MAP2K1: variants seen among roughly 807,000 people sequenced by gnomAD.
MAP2K1 encodes the protein mitogen-activated protein kinase kinase 1.
In MAP2K1, 16 loss-of-function variants were observed where a neutral mutation model predicts 46.3. The ratio of observed to expected loss-of-function variants is 0.35; its 90% CI spans 0.23 to 0.52. MAP2K1 has a LOEUF of 0.52. Ranked by LOEUF, MAP2K1 falls within the 20% of genes least tolerant of loss-of-function variation. The pLI is 0.94. For missense variants in MAP2K1, 263 were observed against 497.1 expected (o/e 0.53, Z 4.48); for synonymous variants, 183 against 185.6 (o/e 0.99, Z 0.11).
intron 6 of MAP2K1, 72 bp downstream of exon 6, chr15:66,481,951 T>C: frequency 6.4e-7 from 1 of 1,558,642 alleles, no homozygotes; most frequent in Non-Finnish European, 8.7e-7. Flanking sequence ...GTGCCTTTCC[T>C]GTGGAGCCAG....
intron 1 of MAP2K1, among the ~76,000 whole-genome samples, chr15:66,422,884 A>G (rs559897147): frequency 1.3e-5 from 2 of 152,210 alleles, no homozygotes; most frequent in East Asian, 3.9e-4. Flanking sequence ...ATCTTGTCCT[A>G]CAACTCTTGG....
At chr15:66,441,854 G>A (rs576991597) in intron 3 of MAP2K1, among the ~76,000 whole-genome samples, 1 of 152,110 alleles carries the variant, frequency 6.6e-6, no homozygotes, top group Non-Finnish European at 1.5e-5. Flanking sequence ...TAGAAAATTT[G>A]TTTTGAGTTT....
intron 5 of MAP2K1, among the ~76,000 whole-genome samples, chr15:66,453,785 A>G (rs1386882680): frequency 2.0e-5 from 3 of 152,028 alleles, no homozygotes; most frequent in Non-Finnish European, 4.4e-5. Context: ...TTTGCTGGAG[A>G]TAGCTTAGTG....
chr15:66,454,750 C>T (rs144694353), intron 5 of MAP2K1, among the ~76,000 whole-genome samples: 1 of 152,004 alleles, frequency 6.6e-6, no homozygotes, highest in East Asian at 1.9e-4. Context: ...CGGCGTGGTG[C>T]CGTGCGCCTG....
intron 6 of MAP2K1, 71 bp from the exon 7 acceptor site, chr15:66,484,919 G>A: frequency 7.9e-7 from 1 of 1,258,830 alleles, no homozygotes; most frequent in South Asian, 1.2e-5. Flanking sequence ...AGGGACAGAA[G>A]AGAAAATGCA....
In MAP2K1 at chr15:66,485,233, G is replaced by A. The variant is rs200724966; in HGVS notation, c.895+42G>A. 2.6e-4 allele frequency: 403 copies of A among 1,577,298 alleles called. No homozygotes were observed. The highest frequency in any genetic ancestry group is 5.5e-4 in the Admixed American group (32 of 58,556). On this transcript the variant is annotated intron_variant, in intron 7 of 10. Coordinates refer to ENST00000307102, the MANE Select transcript of MAP2K1 (RefSeq NM_002755.4). ...GTCCCCATCTTGGACTGTTGGAGGG[G>A]AGGGTCCCTTACTTTCAGGGGTTTC...
At chr15:66,452,210 C>T (rs28546274) in intron 5 of MAP2K1, among the ~76,000 whole-genome samples, 35,506 of 125,772 alleles carry the variant, frequency 0.28, 5,733 homozygotes, top group Admixed American at 0.35. Flanking sequence ...GTGGGTGCAG[C>T]GCACCAGCAT....
At chr15:66,415,244 A>C (rs2093421844) in intron 1 of MAP2K1, 3 of 411,256 alleles carry the variant, frequency 7.3e-6, no homozygotes, top group Non-Finnish European at 1.4e-5. Flanking sequence ...CTTTTTAAGC[A>C]AACTGTGGGC....
At chr15:66,428,773 C>CTT (rs1196428468) in intron 1 of MAP2K1, among the ~76,000 whole-genome samples, 892 of 78,208 alleles carry the variant, frequency 0.011, 129 homozygotes, top group African/African-American at 0.044. Context: ...ATTTTCTTTC[C>CTT]TTTTTTTTTT....
chr15:66,420,691 A>C (rs1348012452), intron 1 of MAP2K1, among the ~76,000 whole-genome samples: 1 of 126,400 alleles, frequency 7.9e-6, no homozygotes, highest in Non-Finnish European at 1.7e-5. Flanking sequence ...TTATTCCCCT[A>C]ATACTTACTC....
rs730880504 is a variant in MAP2K1 at position 66,436,866 on chromosome 15, G to A, written c.412G>A (p.Glu138Lys). 1 of 1,614,128 alleles carries A rather than the reference G, an allele frequency of 6.2e-7. No individual in the cohort carries two copies. The highest frequency in any genetic ancestry group is 8.5e-7 in the Non-Finnish European group (1 of 1,180,026). Residue 138 changes from glutamate (E) to lysine (K), a missense_variant, in exon 3 of 11, where the codon GAG (glutamate) becomes AAG (lysine). Physicochemically the swap from Glu to Lys is moderately conservative, Grantham distance 56. Around this residue, in one of 4 missense-constraint regions of MAP2K1, gnomAD observed 103 missense variants for 221.6 expected, o/e 0.46. Transcript: ENST00000307102. ...CTATGGTGCGTTCTACAGCGATGGC[G>A]AGATCAGTATCTGCATGGAGCACAT... is the stretch of plus-strand genomic sequence containing the variant. ...GFYGAFYSDGEISICMEHMDG... is the reference protein window; with the variant it reads ...GFYGAFYSDGKISICMEHMDG...
At chr15:66,487,080 C>T in intron 7 of MAP2K1, 148 bp from the exon 8 acceptor site, 1 of 690,366 alleles carries the variant, frequency 1.4e-6, no homozygotes, top group Non-Finnish European at 2.6e-6. Context: ...TTGCTGGTCC[C>T]CTCTGTGTTC....
chr15:66,426,810 A>G (rs149122501), intron 1 of MAP2K1, among the ~76,000 whole-genome samples: 2 of 152,188 alleles, frequency 1.3e-5, no homozygotes, highest in African/African-American at 4.8e-5. Flanking sequence ...TTAAAACTTT[A>G]AAGTTTTGTC....
chr15:66,438,248 C>A (rs148307544), intron 3 of MAP2K1, among the ~76,000 whole-genome samples: 19 of 151,594 alleles, frequency 1.3e-4, no homozygotes, highest in African/African-American at 4.4e-4. Flanking sequence ...CACCACGCCC[C>A]GCTAATTTTT....
At chr15:66,487,949 C>G (rs1893100738) in intron 8 of MAP2K1, among the ~76,000 whole-genome samples, 1 of 152,160 alleles carries the variant, frequency 6.6e-6, no homozygotes, top group Non-Finnish European at 1.5e-5. Context: ...TGCAATTCTC[C>G]CAAGCATTGC....
intron 5 of MAP2K1, among the ~76,000 whole-genome samples, chr15:66,454,128 G>C (rs1024810108): frequency 1.3e-5 from 2 of 151,978 alleles, no homozygotes; most frequent in Non-Finnish European, 2.9e-5. Context: ...AGTAGCAAGA[G>C]GGGGTAAACC....
At chr15:66,401,819 G>A (rs375923805) in intron 1 of MAP2K1, 3 of 532,632 alleles carry the variant, frequency 5.6e-6, no homozygotes, top group Non-Finnish European at 7.3e-6. Context: ...ATGGAGGGGC[G>A]TGGCAGGAAG....
intron 1 of MAP2K1, among the ~76,000 whole-genome samples, chr15:66,395,872 A>G (rs1234740778): frequency 1.3e-5 from 2 of 151,500 alleles, no homozygotes; most frequent in Non-Finnish European, 2.9e-5. Flanking sequence ...GCCCTCTTGC[A>G]TGTTTTTATT....
chr15:66,457,179 C>T (rs1367397265), intron 5 of MAP2K1, among the ~76,000 whole-genome samples: 4 of 152,168 alleles, frequency 2.6e-5, no homozygotes, highest in South Asian at 2.1e-4. Flanking sequence ...AGTGCAGTGG[C>T]GTAATCTCGG....
Sources: allele counts gnomAD v4.1 joint callset (sites outside exome capture counted in the v4.1 genomes callset), GRCh38; gene constraint gnomAD v4.1.1; regional missense constraint gnomAD v4.1.1; transcripts MANE v1.5; gene names NCBI Gene and HGNC (gene_info 2026-07-23, HGNC 2026-07-21).